PICALM: variants seen among roughly 807,000 people sequenced by gnomAD.
PICALM encodes phosphatidylinositol binding clathrin assembly protein.
A neutral mutation model predicts 80.5 loss-of-function variants in PICALM; 40 were observed. The ratio of observed to expected loss-of-function variants is 0.50; its 90% CI spans 0.39 to 0.65. The LOEUF is 0.65. Ranked by LOEUF, PICALM falls within the 30% of genes least tolerant of loss-of-function variation. The pLI, the probability that PICALM is intolerant of heterozygous loss-of-function variation, is 0.00. For missense variants in PICALM, 676 were observed against 778.9 expected, an observed-to-expected ratio of 0.87 and a Z score of 1.57; for synonymous variants, 288 against 260.3, an observed-to-expected ratio of 1.11 and a Z score of -1.02.
chr11:86,050,881 T>C (rs1230104870), intron 1 of PICALM, among the ~76,000 whole-genome samples: 2 of 152,136 alleles, frequency 1.3e-5, no homozygotes, highest in Non-Finnish European at 2.9e-5. Context: ...TGTGATGTGG[T>C]CTCGCTATGT....
chr11:86,005,048 T>A (rs1254321907), intron 8 of PICALM, among the ~76,000 whole-genome samples: 1 of 152,244 alleles, frequency 6.6e-6, no homozygotes, highest in East Asian at 1.9e-4. Flanking sequence ...CTAGCTACCT[T>A]GTAGTAGTCA....
chr11:85,960,782 G>C, intron 19 of PICALM: 34 of 1,252,144 alleles, frequency 2.7e-5, no homozygotes, highest in Non-Finnish European at 3.3e-5. Flanking sequence ...CGACAGCTGG[G>C]GGAAAAGAAG....
intron 19 of PICALM, among the ~76,000 whole-genome samples, chr11:85,960,967 A>G (rs2093668686): frequency 6.6e-6 from 1 of 152,072 alleles, no homozygotes; most frequent in Non-Finnish European, 1.5e-5. Context: ...AAAGGTATGC[A>G]ATGGCATGTG....
chr11:86,065,439 C>T (rs2096433652), intron 1 of PICALM, among the ~76,000 whole-genome samples: 1 of 144,884 alleles, frequency 6.9e-6, no homozygotes, highest in Non-Finnish European at 1.5e-5. Context: ...GAGACTCCGT[C>T]TCAAAAAAAA....
At chr11:85,978,219 C>T (rs2094339436) in intron 17 of PICALM, 2 of 755,366 alleles carry the variant, frequency 2.6e-6, no homozygotes, top group Non-Finnish European at 4.7e-6. Flanking sequence ...CCTAAAATCC[C>T]TTGTATTTCC....
At chr11:85,993,902 T>C (rs1430967311) in intron 12 of PICALM, among the ~76,000 whole-genome samples, 2 of 152,224 alleles carry the variant, frequency 1.3e-5, no homozygotes, top group Non-Finnish European at 2.9e-5. Flanking sequence ...TTAAACATGG[T>C]AGAGACAAGG....
At chr11:86,014,724 C>T in intron 5 of PICALM, 146 bp downstream of exon 5, 1 of 471,352 alleles carries the variant, frequency 2.1e-6, no homozygotes, top group South Asian at 4.0e-5. Context: ...AGTAATTTGA[C>T]TTGAGACTAT....
intron 4 of PICALM, among the ~76,000 whole-genome samples, chr11:86,018,297 T>C (rs2095511551): frequency 6.6e-6 from 1 of 152,154 alleles, no homozygotes; most frequent in African/African-American, 2.4e-5. Context: ...ATTTATTCAA[T>C]CAACTAATAT....
chr11:86,067,199 C>T (rs1314265921), intron 1 of PICALM, among the ~76,000 whole-genome samples: 2 of 152,258 alleles, frequency 1.3e-5, no homozygotes, highest in Admixed American at 6.5e-5. Flanking sequence ...GCAAACTTTA[C>T]GGCCAAAGTC....
At chr11:86,064,098 T>C (rs915134434) in intron 1 of PICALM, among the ~76,000 whole-genome samples, 5 of 152,254 alleles carry the variant, frequency 3.3e-5, no homozygotes, top group African/African-American at 4.8e-5. Flanking sequence ...CAGTCTGGTA[T>C]GTTATACGCA....
intron 11 of PICALM, 91 bp from the exon 12 acceptor site, chr11:85,997,020 TAAAAA>T: frequency 1.5e-6 from 1 of 663,426 alleles, no homozygotes; most frequent in Non-Finnish European, 2.6e-6. Flanking sequence ...ATAAAAACAT[TAAAAA>T]CAAGGGAGAA....
At chr11:86,031,710 G>A (rs1241629156) in intron 1 of PICALM, 99 bp from the exon 2 acceptor site, 3 of 801,666 alleles carry the variant, frequency 3.7e-6, no homozygotes, top group Non-Finnish European at 5.8e-6. Flanking sequence ...TTAACACAAA[G>A]TGGAGCAGTA....
intron 1 of PICALM, among the ~76,000 whole-genome samples, chr11:86,066,345 A>G (rs959893230): frequency 6.6e-6 from 1 of 152,212 alleles, no homozygotes; most frequent in African/African-American, 2.4e-5. Context: ...GAAAAGAAAC[A>G]GAAGCACATT....
At chr11:85,974,425 G>C (rs762186814) in intron 19 of PICALM, 2 of 558,304 alleles carry the variant, frequency 3.6e-6, no homozygotes, top group East Asian at 4.5e-5. Context: ...GAATCACGAA[G>C]AGCAAGTAGG....
chr11:85,976,883 G>T, intron 17 of PICALM: 1 of 483,066 alleles, frequency 2.1e-6, no homozygotes, highest in East Asian at 3.3e-5. Flanking sequence ...AGACTTATTA[G>T]AAGGATAACT....
intron 14 of PICALM, among the ~76,000 whole-genome samples, chr11:85,982,649 G>A (rs535485964): frequency 2.7e-5 from 4 of 147,170 alleles, no homozygotes; most frequent in South Asian, 2.2e-4. Context: ...GGATGGTCTC[G>A]ATCTCCTGAC....
At chr11:86,044,878 G>A (rs1042492120) in intron 1 of PICALM, among the ~76,000 whole-genome samples, 3 of 152,162 alleles carry the variant, frequency 2.0e-5, no homozygotes, top group Admixed American at 6.5e-5. Context: ...GTTTCATCCC[G>A]AAACCATCCC....
chr11:86,041,630 G>A (rs1387154032), intron 1 of PICALM, among the ~76,000 whole-genome samples: 1 of 152,160 alleles, frequency 6.6e-6, no homozygotes, highest in African/African-American at 2.4e-5. Flanking sequence ...AGCCTCTTAA[G>A]TCATGGCTGA....
chr11:86,033,298 A>G (rs2095791480), intron 1 of PICALM, among the ~76,000 whole-genome samples: 1 of 152,150 alleles, frequency 6.6e-6, no homozygotes, highest in Admixed American at 6.5e-5. Context: ...ATACTGTACT[A>G]TGTATGTTAT....
Sources: gnomAD v4.1 joint callset for allele counts (sites outside exome capture counted in the v4.1 genomes callset) on GRCh38, gnomAD v4.1.1 for gene constraint, MANE v1.5 for transcripts, NCBI Gene and HGNC (gene_info 2026-07-23, HGNC 2026-07-21) for gene names.